Variants in DCHS2 observed in about 807,000 individuals in gnomAD.
The protein encoded by DCHS2 is protocadherin-23.
Under a neutral mutation model 182.4 loss-of-function variants are expected in DCHS2, and 142 were observed. The ratio of observed to expected loss-of-function variants is 0.78; its 90% CI spans 0.68 to 0.89. The LOEUF (loss-of-function observed/expected upper bound fraction) is 0.89. Ranked by LOEUF, DCHS2 falls within the 40% of genes least tolerant of loss-of-function variation. The pLI is 0.00. For missense variants in DCHS2, 4,319 were observed against 4,198.6 expected (o/e 1.03, Z -0.79); for synonymous variants, 1,740 against 1,663.3 (o/e 1.05, Z -1.12).
chr4:154,292,587 C>G (rs1734717616), intron 13 of DCHS2, among the ~76,000 whole-genome samples: 1 of 152,214 alleles, frequency 6.6e-6, no homozygotes, highest in South Asian at 2.1e-4. Context: ...TCTAGACTCT[C>G]CAAGCACCTT....
At chr4:154,437,873 T>C (rs1427151155) in intron 1 of DCHS2, among the ~76,000 whole-genome samples, 1 of 152,154 alleles carries the variant, frequency 6.6e-6, no homozygotes, top group Admixed American at 6.5e-5. Context: ...TGAGTATTAT[T>C]TCTAAAATTA....
At chr4:154,480,736 T>C (rs989783837) in intron 1 of DCHS2, among the ~76,000 whole-genome samples, 3 of 152,238 alleles carry the variant, frequency 2.0e-5, no homozygotes, top group Non-Finnish European at 4.4e-5. Context: ...ATATATCTAG[T>C]ACACACATAA....
chr4:154,475,178 T>C (rs1009692264), intron 1 of DCHS2, among the ~76,000 whole-genome samples: 1 of 152,178 alleles, frequency 6.6e-6, no homozygotes, highest in African/African-American at 2.4e-5. Flanking sequence ...GAAACAAATG[T>C]ACTGAACTCC....
Position 154,242,682 on chromosome 4 carries a change from G to T in DCHS2, c.7032C>A (p.Ala2344=), listed in dbSNP as rs1418841976. Reference sequence around the variant, plus strand: ...CTGCTTCAGAGGGGAGAAAAGCTGGGGCATTGTCATTTATATCAGTCACCT... The same window carrying T: ...CTGCTTCAGAGGGGAGAAAAGCTGGTGCATTGTCATTTATATCAGTCACCT... ...KVQVTDINDN[A]PAFLPSEAVE... The change falls in exon 17 of 20, where the codon GCC becomes GCA. Residue 2344 remains alanine, a synonymous_variant. Coordinates refer to ENST00000357232, the MANE Select transcript of DCHS2 (RefSeq NM_001358235.2). 1 of 1,612,708 alleles carries T rather than the reference G, an allele frequency of 6.2e-7. No homozygotes were observed. Among genetic ancestry groups the T allele is most frequent in the African/African-American group, 1.3e-5 (1 of 74,798 alleles).
At chr4:154,458,942 C>T (rs1483245837) in intron 1 of DCHS2, among the ~76,000 whole-genome samples, 1 of 152,122 alleles carries the variant, frequency 6.6e-6, no homozygotes. Flanking sequence ...CTCTGATGTA[C>T]CCAATCTTCT....
chr4:154,472,357 G>T (rs1026301980), intron 1 of DCHS2, among the ~76,000 whole-genome samples: 5 of 152,092 alleles, frequency 3.3e-5, no homozygotes, highest in African/African-American at 1.2e-4. Context: ...CTAGAAATGA[G>T]CTCTGTCATA....
chr4:154,363,367 G>A (rs940657211), intron 3 of DCHS2, among the ~76,000 whole-genome samples: 8 of 152,170 alleles, frequency 5.3e-5, no homozygotes, highest in African/African-American at 1.9e-4. Context: ...ATACACAATA[G>A]AGTACTATTA....
intron 1 of DCHS2, among the ~76,000 whole-genome samples, chr4:154,453,451 A>C (rs1210115035): frequency 1.3e-5 from 2 of 152,102 alleles, no homozygotes; most frequent in African/African-American, 2.4e-5. Flanking sequence ...AGTATCCAGC[A>C]GTTAGCTGAC....
chr4:154,379,625 A>G (rs1211480075), intron 1 of DCHS2, among the ~76,000 whole-genome samples: 1 of 152,176 alleles, frequency 6.6e-6, no homozygotes, highest in African/African-American at 2.4e-5. Flanking sequence ...GAGGGAGGCA[A>G]AAATAAAAGA....
intron 3 of DCHS2, among the ~76,000 whole-genome samples, chr4:154,340,737 GGAAAA>G (rs1729024417): frequency 6.6e-6 from 1 of 152,122 alleles, no homozygotes; most frequent in African/African-American, 2.4e-5. Flanking sequence ...TTGAAGGAAA[GGAAAA>G]GGGAAGAAAA....
intron 1 of DCHS2, among the ~76,000 whole-genome samples, chr4:154,417,511 C>G (rs891630100): frequency 6.6e-6 from 1 of 152,080 alleles, no homozygotes; most frequent in Non-Finnish European, 1.5e-5. Flanking sequence ...TGACCTCACA[C>G]GAGAAAAACC....
Position 154,320,851 on chromosome 4 carries a change from C to T in DCHS2, c.4548G>A (p.Val1516=). ...HSPSFQDELI[V]ISVEENVPIG... is the part of the protein sequence containing the mutation. The stretch of plus-strand genomic sequence containing the variant: ...TGGGAACATTCTCCTCTACACTGAT[C>T]ACAATGAGCTCATCCTGGAAAGATG... Residue 1516 remains valine (V), a synonymous_variant, in exon 9 of 20, where the codon GTG becomes GTA. Coordinates refer to ENST00000357232, the MANE Select transcript of DCHS2 (RefSeq NM_001358235.2). The T allele has an allele frequency of 6.2e-7, 1 of 1,614,022 alleles. No homozygotes were observed. Among genetic ancestry groups the T allele is most frequent in the African/African-American group, 1.3e-5 (1 of 75,018 alleles).
At chr4:154,357,120 G>A in intron 3 of DCHS2, 3 of 727,604 alleles carry the variant, frequency 4.1e-6, no homozygotes, top group Non-Finnish European at 4.8e-6. Flanking sequence ...CCTTTGGCCT[G>A]CGAAGTTGTT....
chr4:154,344,397 C>G (rs1162409126), intron 3 of DCHS2, among the ~76,000 whole-genome samples: 1 of 152,136 alleles, frequency 6.6e-6, no homozygotes, highest in Non-Finnish European at 1.5e-5. Flanking sequence ...GGGCTTAGAT[C>G]TGAGCATGGC....
chr4:154,259,836 G>A lies in DCHS2; in HGVS notation c.6578-80C>T, dbSNP rs1041144253. The A allele has an allele frequency of 2.9e-6, 4 of 1,395,480 alleles. No homozygotes were observed. The African/African-American group carries it at 5.8e-5, about 20-fold the overall frequency. 86.4% of individuals were successfully genotyped at this position (1,395,480 alleles called of 1,614,324 possible). On this transcript the variant is annotated intron_variant, in intron 14 of 19. Coordinates refer to ENST00000357232, the MANE Select transcript of DCHS2 (RefSeq NM_001358235.2). ...ATTTTTTATTTTATTTATTTATTTA[G>A]TTTTGAGACAGAGTCTCGCACTGTC... is the stretch of plus-strand genomic sequence containing the variant.
At chr4:154,436,997 G>T (rs1471325606) in intron 1 of DCHS2, among the ~76,000 whole-genome samples, 1 of 152,034 alleles carries the variant, frequency 6.6e-6, no homozygotes, top group Non-Finnish European at 1.5e-5. Context: ...TTTGGTGTGG[G>T]TACTGGAAAA....
At chr4:154,412,099 T>A (rs1224292976) in intron 1 of DCHS2, among the ~76,000 whole-genome samples, 1 of 152,166 alleles carries the variant, frequency 6.6e-6, no homozygotes, top group Non-Finnish European at 1.5e-5. Context: ...TAAATTTGAT[T>A]TGGTTTAATT....
intron 1 of DCHS2, among the ~76,000 whole-genome samples, chr4:154,437,081 G>C (rs28566725): frequency 1.3e-5 from 2 of 152,046 alleles, no homozygotes; most frequent in African/African-American, 4.8e-5. Context: ...TTTAGTTCCT[G>C]CATTCAAGTT....
chr4:154,304,555 C>T, intron 12 of DCHS2, 114 bp downstream of exon 12: 2 of 868,872 alleles, frequency 2.3e-6, no homozygotes, highest in Non-Finnish European at 3.4e-6. Flanking sequence ...ATTGCTTGAA[C>T]CTGGGAGGTG....
Sources: allele counts gnomAD v4.1 joint callset (sites outside exome capture counted in the v4.1 genomes callset), GRCh38; gene constraint gnomAD v4.1.1; transcripts MANE v1.5; gene names NCBI Gene and HGNC (gene_info 2026-07-23, HGNC 2026-07-21).